The following CDH12 variants were observed in gnomAD, a reference collection of about 807,000 sequenced individuals.
CDH12 encodes the protein cadherin-12.
In CDH12, 41 loss-of-function variants were observed where a neutral mutation model predicts 74.1. That is an observed-to-expected ratio of 0.55 (90% CI 0.43 to 0.72). CDH12 has a LOEUF of 0.72. CDH12 is among the 30% of genes least tolerant of loss of function. The pLI is 0.00. For missense variants in CDH12, 945 were observed against 977.2 expected, an observed-to-expected ratio of 0.97 and a Z score of 0.44; for synonymous variants, 399 against 355.0, an observed-to-expected ratio of 1.12 and a Z score of -1.39.
intron 6 of CDH12, among the ~76,000 whole-genome samples, chr5:21,868,667 G>C (rs6452015): frequency 0.95 from 144,933 of 152,204 alleles, 69,351 homozygotes; most frequent in Non-Finnish European, 1. Context: ...GAATGTCTAT[G>C]CTATGCCTGT....
intron 1 of CDH12, among the ~76,000 whole-genome samples, chr5:22,570,301 G>A (rs578235391): frequency 5.3e-5 from 8 of 151,910 alleles, no homozygotes; most frequent in East Asian, 1.9e-4. Context: ...CTCCTGCCTC[G>A]GCCTCCTGAA....
intron 4 of CDH12, among the ~76,000 whole-genome samples, chr5:22,189,193 A>G (rs1750128363): frequency 6.6e-6 from 1 of 152,182 alleles, no homozygotes; most frequent in Middle Eastern, 3.2e-3. Flanking sequence ...TGGATTAATA[A>G]AAACTTGAAA....
chr5:22,785,301 T>G (rs1747568381), intron 1 of CDH12, among the ~76,000 whole-genome samples: 1 of 152,198 alleles, frequency 6.6e-6, no homozygotes, highest in South Asian at 2.1e-4. Context: ...ACATTGTTAT[T>G]TATTAAGCAG....
At chr5:22,097,329 C>T (rs771562412) in intron 4 of CDH12, among the ~76,000 whole-genome samples, 1 of 152,142 alleles carries the variant, frequency 6.6e-6, no homozygotes, top group Middle Eastern at 3.2e-3. Flanking sequence ...TGACACTGCC[C>T]GATCGCCTCA....
intron 4 of CDH12, among the ~76,000 whole-genome samples, chr5:22,158,168 C>A (rs933589666): frequency 2.0e-5 from 3 of 151,922 alleles, no homozygotes; most frequent in Non-Finnish European, 4.4e-5. Context: ...GTTATTAATG[C>A]ACCAACATTA....
intron 1 of CDH12, among the ~76,000 whole-genome samples, chr5:22,592,418 C>A (rs1025914914): frequency 6.6e-6 from 1 of 152,184 alleles, no homozygotes; most frequent in African/African-American, 2.4e-5. Context: ...CCCATCTATA[C>A]CCAAGGTTGC....
intron 5 of CDH12, among the ~76,000 whole-genome samples, chr5:22,052,593 T>C (rs1740452330): frequency 6.6e-6 from 1 of 152,142 alleles, no homozygotes. Flanking sequence ...AATGGACACA[T>C]TTTACTCATT....
intron 4 of CDH12, among the ~76,000 whole-genome samples, chr5:22,090,624 C>A (rs1375585119): frequency 6.6e-6 from 1 of 151,512 alleles, no homozygotes; most frequent in Non-Finnish European, 1.5e-5. Flanking sequence ...CACACACACA[C>A]ACACCCTCCT....
At chr5:22,172,407 G>T (rs1397323281) in intron 4 of CDH12, 1 of 151,444 alleles carries the variant, frequency 6.6e-6, no homozygotes, top group Non-Finnish European at 1.5e-5. Context: ...CACACATCAG[G>T]ATCTGCAAGA....
chr5:22,665,641 G>A lies in CDH12; in HGVS notation c.-522-160277C>T, dbSNP rs540224795. ...TCTTCTTTTCAGATACATCTCCCTC[G>A]GCCTCCATCCCACTGATAAATGACT... On this transcript the variant is annotated intron_variant, in intron 1 of 14. Transcript: ENST00000382254. Among the ~76,000 whole-genome samples the A allele has an allele frequency of 1.7e-4, 26 of 151,784 alleles. No homozygotes were observed. The South Asian group carries it at 4.2e-3, about 24-fold the overall frequency.
At chr5:22,501,442 C>T (rs963698788) in intron 2 of CDH12, among the ~76,000 whole-genome samples, 25 of 152,064 alleles carry the variant, frequency 1.6e-4, no homozygotes, top group South Asian at 1.5e-3. Flanking sequence ...ATAACTCTTT[C>T]GTCTGAATTA....
At chr5:22,582,165 C>G (rs1218624219) in intron 1 of CDH12, among the ~76,000 whole-genome samples, 1 of 152,174 alleles carries the variant, frequency 6.6e-6, no homozygotes, top group Non-Finnish European at 1.5e-5. Context: ...TATGCCCTCA[C>G]CATCATTAGC....
At chr5:22,528,966 C>T (rs1017047568) in intron 1 of CDH12, among the ~76,000 whole-genome samples, 17 of 113,224 alleles carry the variant, frequency 1.5e-4, no homozygotes, top group Admixed American at 1.1e-3. Flanking sequence ...CTCCCAGTAT[C>T]AAAATCTATA....
At chr5:22,564,037 G>A (rs983887175) in intron 1 of CDH12, among the ~76,000 whole-genome samples, 8 of 152,080 alleles carry the variant, frequency 5.3e-5, no homozygotes, top group Non-Finnish European at 5.9e-5. Context: ...ATAAATGAAA[G>A]ATGAATCTAT....
At chr5:22,040,422 G>A (rs1490243826) in intron 5 of CDH12, among the ~76,000 whole-genome samples, 3 of 152,088 alleles carry the variant, frequency 2.0e-5, no homozygotes, top group Admixed American at 1.3e-4. Flanking sequence ...CCCAAGTGTG[G>A]GAAGACATAT....
intron 3 of CDH12, among the ~76,000 whole-genome samples, chr5:22,231,644 G>C (rs1752389233): frequency 6.6e-6 from 1 of 151,864 alleles, no homozygotes; most frequent in African/African-American, 2.4e-5. Flanking sequence ...TCCCTGTAGA[G>C]GTATAAACAC....
intron 3 of CDH12, among the ~76,000 whole-genome samples, chr5:22,336,995 C>T (rs1388398903): frequency 6.6e-6 from 1 of 152,204 alleles, no homozygotes; most frequent in East Asian, 1.9e-4. Context: ...AGGGTTGGAG[C>T]TACCCAAGAC....
At chr5:22,845,669 T>C (rs867199527) in intron 1 of CDH12, among the ~76,000 whole-genome samples, 2 of 152,128 alleles carry the variant, frequency 1.3e-5, no homozygotes, top group African/African-American at 2.4e-5. Context: ...ATCACTCTGA[T>C]GTAATGACAA....
At chr5:21,948,784 TGTGTTGAGGGCAGGACCTG>T (rs764939178) in intron 6 of CDH12, among the ~76,000 whole-genome samples, 1 of 152,144 alleles carries the variant, frequency 6.6e-6, no homozygotes, top group Non-Finnish European at 1.5e-5. Flanking sequence ...ATAATACCCA[TGTGTTGAGGGCAGGACCTG>T]GTGGAAGGTG....
Sources: allele counts gnomAD v4.1 joint callset (sites outside exome capture counted in the v4.1 genomes callset), GRCh38; gene constraint gnomAD v4.1.1; transcripts MANE v1.5; gene names NCBI Gene and HGNC (gene_info 2026-07-23, HGNC 2026-07-21).